SHISA9: variants seen among roughly 807,000 people sequenced by gnomAD.
SHISA9 encodes protein shisa-9.
A neutral mutation model predicts 38.0 loss-of-function variants in SHISA9; 13 were observed. The ratio of observed to expected loss-of-function variants is 0.34; its 90% CI spans 0.22 to 0.54. The LOEUF (loss-of-function observed/expected upper bound fraction) is 0.54. Among genes scored for constraint, SHISA9 ranks in the 20% least tolerant of loss-of-function variants. SHISA9 has a pLI of 0.91. For synonymous variants in SHISA9, 275 were observed against 242.0 expected, an observed-to-expected ratio of 1.14 and a Z score of -1.27; for missense variants, 538 against 575.8, an observed-to-expected ratio of 0.93 and a Z score of 0.67.
At chr16:13,037,259 A>T (rs890174934) in intron 2 of SHISA9, among the ~76,000 whole-genome samples, 1 of 152,054 alleles carries the variant, frequency 6.6e-6, no homozygotes. Context: ...TCGGCAGGCA[A>T]GCGGGTGTAA....
the SHISA9 span, among the ~76,000 whole-genome samples, chr16:13,438,284 G>A: frequency 6.6e-6 from 1 of 152,156 alleles, no homozygotes; most frequent in Non-Finnish European, 1.5e-5. Flanking sequence ...AAGATTCTGG[G>A]AGGTTTAGAC....
chr16:13,209,850 C>T (rs1268714138), intron 3 of SHISA9, among the ~76,000 whole-genome samples: 2 of 152,196 alleles, frequency 1.3e-5, no homozygotes, highest in Non-Finnish European at 2.9e-5. Context: ...ACCTGTAATT[C>T]CAGCACTTTG....
chr16:12,920,929 G>C (rs2071319958), intron 2 of SHISA9, among the ~76,000 whole-genome samples: 1 of 152,150 alleles, frequency 6.6e-6, no homozygotes, highest in Admixed American at 6.5e-5. Context: ...TAATGATGTG[G>C]TAAAGACAGG....
intron 2 of SHISA9, among the ~76,000 whole-genome samples, chr16:13,129,522 A>G (rs866706229): frequency 6.6e-6 from 1 of 152,192 alleles, no homozygotes; most frequent in Admixed American, 6.5e-5. Flanking sequence ...GAACTGTCAT[A>G]TGGCTATACC....
the SHISA9 span, among the ~76,000 whole-genome samples, chr16:13,247,085 G>A: frequency 6.6e-6 from 1 of 152,010 alleles, no homozygotes; most frequent in African/African-American, 2.4e-5. Context: ...TAACAATCAT[G>A]GCGGAAGGGG....
intron 2 of SHISA9, among the ~76,000 whole-genome samples, chr16:13,105,082 T>G (rs1005846051): frequency 6.6e-6 from 1 of 152,162 alleles, no homozygotes; most frequent in Non-Finnish European, 1.5e-5. Context: ...GGAAATATAA[T>G]AATAAACAAT....
chr16:13,006,354 G>T (rs931082286), intron 2 of SHISA9, among the ~76,000 whole-genome samples: 25 of 152,076 alleles, frequency 1.6e-4, no homozygotes, highest in African/African-American at 5.6e-4. Context: ...CTAGAGGGAG[G>T]AGAAGGGTCT....
At chr16:13,220,682 A>C (rs1303449102) in intron 4 of SHISA9, among the ~76,000 whole-genome samples, 1 of 152,158 alleles carries the variant, frequency 6.6e-6, no homozygotes, top group African/African-American at 2.4e-5. Context: ...AAAAATCTCT[A>C]TCTATATAGC....
the SHISA9 span, among the ~76,000 whole-genome samples, chr16:13,413,089 C>T: frequency 6.6e-6 from 1 of 152,028 alleles, no homozygotes; most frequent in Admixed American, 6.5e-5. Context: ...GATGAAAACT[C>T]GGGGAACTTT....
the SHISA9 span, among the ~76,000 whole-genome samples, chr16:13,434,020 G>C: frequency 1.3e-5 from 2 of 152,202 alleles, no homozygotes; most frequent in Non-Finnish European, 2.9e-5. Flanking sequence ...TAAGTAGCAA[G>C]ATACCCAGTA....
At chr16:13,263,093 C>A in the SHISA9 span, among the ~76,000 whole-genome samples, 2 of 152,164 alleles carry the variant, frequency 1.3e-5, 1 homozygote, top group African/African-American at 4.8e-5. Context: ...ATGTCTTAAA[C>A]CCCATTCCCA....
intron 4 of SHISA9, among the ~76,000 whole-genome samples, chr16:13,213,688 C>T (rs1041566776): frequency 1.4e-4 from 21 of 152,156 alleles, no homozygotes; most frequent in African/African-American, 2.9e-4. Flanking sequence ...GAGAGAAAAA[C>T]ATAATCAAGT....
chr16:13,404,799 A>C, the SHISA9 span, among the ~76,000 whole-genome samples: 5 of 152,220 alleles, frequency 3.3e-5, no homozygotes, highest in African/African-American at 1.2e-4. Context: ...ATAAGTAACT[A>C]GTTAGAAATG....
chr16:13,194,806 A>AG (rs985614606), intron 2 of SHISA9, among the ~76,000 whole-genome samples: 18 of 152,332 alleles, frequency 1.2e-4, no homozygotes, highest in African/African-American at 4.3e-4. Context: ...GTGTCCCATG[A>AG]GGATATGGGT....
At chr16:13,001,029 G>C (rs868775442) in intron 2 of SHISA9, among the ~76,000 whole-genome samples, 9 of 152,132 alleles carry the variant, frequency 5.9e-5, no homozygotes, top group African/African-American at 1.9e-4. Flanking sequence ...CCAGGTTCAA[G>C]CGATTCTCCT....
the SHISA9 span, among the ~76,000 whole-genome samples, chr16:13,521,460 T>G: frequency 6.6e-6 from 1 of 152,196 alleles, no homozygotes; most frequent in Non-Finnish European, 1.5e-5. Context: ...TCTGCTTGTT[T>G]TCTTGAGGGA....
At position 13,002,673 on chromosome 16, in the gene SHISA9, C is replaced by T. The variant is rs144556727; in HGVS notation, c.691+85858C>T. Among the ~76,000 whole-genome samples the T allele has an allele frequency of 5.5e-3, 834 of 151,570 alleles. 9 individuals are homozygous for T. Among genetic ancestry groups the T allele is most frequent in the African/African-American group, 0.019 (796 of 41,256 alleles). ...TCACCCTCCTGAGTAGCTGGGATTACAGATGCGCACCACCGCACTGGGCTA... is the reference window on the plus strand; with the variant it reads ...TCACCCTCCTGAGTAGCTGGGATTATAGATGCGCACCACCGCACTGGGCTA... On this transcript the variant is annotated intron_variant, in intron 2 of 4. Coordinates refer to ENST00000558583, the MANE Select transcript of SHISA9 (RefSeq NM_001145204.3).
At chr16:13,156,472 C>T (rs575254263) in intron 2 of SHISA9, among the ~76,000 whole-genome samples, 12 of 152,230 alleles carry the variant, frequency 7.9e-5, no homozygotes, top group Non-Finnish European at 1.3e-4. Flanking sequence ...TGGTGGCTCA[C>T]GCCTGTAATC....
intron 2 of SHISA9, among the ~76,000 whole-genome samples, chr16:13,134,507 A>G (rs2050331619): frequency 1.3e-5 from 2 of 152,144 alleles, no homozygotes; most frequent in Non-Finnish European, 2.9e-5. Flanking sequence ...TTCACAGAGT[A>G]GAGAATATTT....
Sources: gnomAD v4.1 joint callset for allele counts (sites outside exome capture counted in the v4.1 genomes callset) on GRCh38, gnomAD v4.1.1 for gene constraint, MANE v1.5 for transcripts, NCBI Gene and HGNC (gene_info 2026-07-23, HGNC 2026-07-21) for gene names.